The following CNTNAP5 variants were observed in gnomAD, a reference collection of about 807,000 sequenced individuals.
CNTNAP5 encodes contactin associated protein family member 5.
CNTNAP5 carries 72 observed loss-of-function variants against 150.2 expected under a neutral mutation model. The observed-to-expected ratio is 0.48, with a 90% confidence interval of 0.40 to 0.58. The LOEUF (loss-of-function observed/expected upper bound fraction) is 0.58, where lower values mean the gene tolerates loss of function less well. Among genes scored for constraint, CNTNAP5 ranks in the 20% least tolerant of loss-of-function variants. The pLI is 0.00. For missense variants in CNTNAP5, 1,636 were observed against 1,626.2 expected (o/e 1.01, Z -0.10); for synonymous variants, 672 against 619.8 (o/e 1.08, Z -1.25).
At chr2:124,111,483 C>G (rs1421505645) in intron 1 of CNTNAP5, among the ~76,000 whole-genome samples, 1 of 152,114 alleles carries the variant, frequency 6.6e-6, no homozygotes. Flanking sequence ...TGCATATGAG[C>G]CTGTATCAGT....
At chr2:124,481,806 T>C (rs1163892903) in intron 7 of CNTNAP5, among the ~76,000 whole-genome samples, 3 of 152,344 alleles carry the variant, frequency 2.0e-5, no homozygotes, top group Non-Finnish European at 4.4e-5. Flanking sequence ...TGAATTTTTT[T>C]CTGCCAAAAA....
intron 1 of CNTNAP5, among the ~76,000 whole-genome samples, chr2:124,100,986 G>T (rs550158070): frequency 6.6e-6 from 1 of 151,872 alleles, no homozygotes; most frequent in African/African-American, 2.4e-5. Flanking sequence ...ACTTGAAAAA[G>T]AGAAAAAAGG....
intron 1 of CNTNAP5, among the ~76,000 whole-genome samples, chr2:124,158,056 A>G (rs748009391): frequency 1.8e-4 from 28 of 152,168 alleles, no homozygotes; most frequent in Admixed American, 3.9e-4. Flanking sequence ...AAATATAGAG[A>G]GAATGAAGGG....
chr2:124,096,906 G>A (rs894840890), intron 1 of CNTNAP5, among the ~76,000 whole-genome samples: 16 of 151,930 alleles, frequency 1.1e-4, no homozygotes, highest in African/African-American at 3.9e-4. Context: ...GTTTCACCGT[G>A]TTCCCCAGGC....
chr2:124,025,871 C>CGAG, intron 1 of CNTNAP5, 139 bp downstream of exon 1: 1 of 749,096 alleles, frequency 1.3e-6, no homozygotes, highest in Admixed American at 2.1e-5. Flanking sequence ...AGTGTGGTTC[C>CGAG]ATCACTCCAA....
intron 1 of CNTNAP5, among the ~76,000 whole-genome samples, chr2:124,096,466 T>C (rs1203328585): frequency 6.6e-6 from 1 of 152,162 alleles, no homozygotes; most frequent in Non-Finnish European, 1.5e-5. Flanking sequence ...TAGTATCCAT[T>C]CTTTAGGGGA....
chr2:124,128,336 G>A lies in CNTNAP5; in HGVS notation c.83-93369G>A, dbSNP rs189664658. ...ATGCTCATCATCACTGGCCGTCAGA[G>A]AAATGCAAATCAAAACCACAATGAG... On this transcript the variant is annotated intron_variant, in intron 1 of 23. Coordinates refer to ENST00000682447, the MANE Select transcript of CNTNAP5 (RefSeq NM_001367498.1). 3.8e-3 allele frequency among the ~76,000 whole-genome samples: 571 copies of A among 152,254 alleles called. 3 individuals carry two copies. Among genetic ancestry groups the A allele is most frequent in the African/African-American group, 0.013 (552 of 41,534 alleles).
At chr2:124,195,654 A>T (rs1379041068) in intron 1 of CNTNAP5, among the ~76,000 whole-genome samples, 1 of 152,194 alleles carries the variant, frequency 6.6e-6, no homozygotes, top group Admixed American at 6.5e-5. Flanking sequence ...AGCTAGCAAG[A>T]TTAAACATAA....
chr2:124,788,954 C>A (rs1489466517), intron 17 of CNTNAP5, among the ~76,000 whole-genome samples: 1 of 152,174 alleles, frequency 6.6e-6, no homozygotes, highest in Admixed American at 6.5e-5. Flanking sequence ...CTTAGTGAAG[C>A]CTCACCACAC....
At chr2:124,163,142 C>A (rs1684725988) in intron 1 of CNTNAP5, among the ~76,000 whole-genome samples, 1 of 152,046 alleles carries the variant, frequency 6.6e-6, no homozygotes, top group Non-Finnish European at 1.5e-5. Context: ...TCTCATCCAT[C>A]CTTTCATTTC....
intron 1 of CNTNAP5, among the ~76,000 whole-genome samples, chr2:124,037,849 C>T (rs1681267034): frequency 6.6e-6 from 1 of 152,186 alleles, no homozygotes; most frequent in African/African-American, 2.4e-5. Flanking sequence ...CCATTTCACA[C>T]TGTATACATA....
chr2:124,302,936 C>A (rs1688600255), intron 3 of CNTNAP5, among the ~76,000 whole-genome samples: 1 of 152,208 alleles, frequency 6.6e-6, no homozygotes, highest in Admixed American at 6.5e-5. Flanking sequence ...CTCAGAGCTT[C>A]TTCCTAGGAA....
intron 3 of CNTNAP5, among the ~76,000 whole-genome samples, chr2:124,324,747 C>T (rs1689176271): frequency 6.6e-6 from 1 of 152,134 alleles, no homozygotes; most frequent in Non-Finnish European, 1.5e-5. Flanking sequence ...AGCAGGAGGA[C>T]TTTCTGTAGG....
At chr2:124,142,887 C>T (rs975374940) in intron 1 of CNTNAP5, among the ~76,000 whole-genome samples, 5 of 150,176 alleles carry the variant, frequency 3.3e-5, no homozygotes, top group Non-Finnish European at 7.4e-5. Context: ...AATTGATAGA[C>T]CGCTAGCAAG....
chr2:124,361,979 C>G (rs967734802), intron 3 of CNTNAP5, among the ~76,000 whole-genome samples: 2 of 152,174 alleles, frequency 1.3e-5, no homozygotes, highest in African/African-American at 4.8e-5. Context: ...GGCGTAGGAC[C>G]CTCTGAGCCA....
chr2:124,732,289 C>A (rs1680288942), intron 13 of CNTNAP5, among the ~76,000 whole-genome samples: 1 of 152,058 alleles, frequency 6.6e-6, no homozygotes, highest in Non-Finnish European at 1.5e-5. Context: ...CAACCAGGTT[C>A]TCTTAGAAAA....
At chr2:124,855,167 C>CTTTTTT (rs70999224) in intron 19 of CNTNAP5, among the ~76,000 whole-genome samples, 43 of 71,484 alleles carry the variant, frequency 6.0e-4, no homozygotes, top group East Asian at 4.0e-3. Context: ...TGGGCTTTTG[C>CTTTTTT]TTTTTTTTTT....
chr2:124,718,645 T>C (rs1679991221), intron 13 of CNTNAP5, among the ~76,000 whole-genome samples: 1 of 152,118 alleles, frequency 6.6e-6, no homozygotes, highest in Non-Finnish European at 1.5e-5. Context: ...TAAAATCCTG[T>C]CTCTTTAGTG....
chr2:124,345,042 G>A (rs1201207924), intron 3 of CNTNAP5, among the ~76,000 whole-genome samples: 1 of 152,188 alleles, frequency 6.6e-6, no homozygotes, highest in East Asian at 1.9e-4. Context: ...TAAGTGCTCA[G>A]CATGAGAAAG....
Sources: gnomAD v4.1 joint callset for allele counts (sites outside exome capture counted in the v4.1 genomes callset) on GRCh38, gnomAD v4.1.1 for gene constraint, MANE v1.5 for transcripts, NCBI Gene and HGNC (gene_info 2026-07-23, HGNC 2026-07-21) for gene names.